The following SLC13A1 variants were observed in gnomAD, a reference collection of about 807,000 sequenced individuals.
The protein encoded by SLC13A1 is Na(+)/sulfate cotransporter.
SLC13A1 carries 65 observed loss-of-function variants against 70.0 expected under a neutral mutation model. The ratio of observed to expected loss-of-function variants is 0.93; its 90% confidence interval spans 0.76 to 1.14. The LOEUF is 1.14. Ranked by LOEUF, SLC13A1 falls within the 50% of genes most tolerant of loss-of-function variation. The pLI is 0.00. For missense variants in SLC13A1, 726 were observed against 717.8 expected (o/e 1.01, Z -0.13); for synonymous variants, 275 against 250.5 (o/e 1.10, Z -0.92).
rs1172328053 is a variant in SLC13A1, at chr7:123,134,430, C to G, written c.912G>C (p.Gln304His). The G allele has an allele frequency of 3.1e-6, 5 of 1,613,224 alleles. No individual in the cohort carries two copies. The highest frequency in any genetic ancestry group is 4.2e-6 in the Non-Finnish European group (5 of 1,179,498). ...CTTACTTGAATCCTAGGAAAAGCCACTGAAGCCAGATCCAGGATAAGAGTA... is the reference window on the plus strand; with the variant it reads ...CTTACTTGAATCCTAGGAAAAGCCAGTGAAGCCAGATCCAGGATAAGAGTA... Reference protein sequence around the residue: ...IILLLSWIWLQWLFLGFNFKE... With the variant: ...IILLLSWIWLHWLFLGFNFKE... The change falls in exon 8 of 15, where the codon CAG (glutamine) becomes CAC (histidine). Residue 304 changes from glutamine to histidine, a missense_variant. By Grantham distance (24) the Gln-to-His change is conservative. Coordinates refer to ENST00000194130, the MANE Select transcript of SLC13A1 (RefSeq NM_022444.4).
At chr7:123,194,300 T>C (rs1264738982) in intron 1 of SLC13A1, among the ~76,000 whole-genome samples, 2 of 151,910 alleles carry the variant, frequency 1.3e-5, no homozygotes, top group Non-Finnish European at 2.9e-5. Flanking sequence ...ATATAGCGTG[T>C]GAGAAGGCAG....
intron 7 of SLC13A1, among the ~76,000 whole-genome samples, chr7:123,143,091 A>G (rs1794215838): frequency 6.6e-6 from 1 of 152,052 alleles, no homozygotes; most frequent in Non-Finnish European, 1.5e-5. Context: ...TCCAAGATGC[A>G]AGACAAAGTC....
At chr7:123,154,001 A>T (rs1794639707) in intron 6 of SLC13A1, among the ~76,000 whole-genome samples, 1 of 152,054 alleles carries the variant, frequency 6.6e-6, no homozygotes, top group Admixed American at 6.6e-5. Context: ...AGTTTTTTTA[A>T]CATATAAAGG....
intron 3 of SLC13A1, 108 bp downstream of exon 3, chr7:123,171,660 C>G: frequency 8.9e-7 from 1 of 1,120,052 alleles, no homozygotes. Flanking sequence ...ATAAGTCAGA[C>G]TGTGATACAA....
At chr7:123,180,394 T>C (rs1411886058) in intron 2 of SLC13A1, among the ~76,000 whole-genome samples, 1 of 152,150 alleles carries the variant, frequency 6.6e-6, no homozygotes, top group Admixed American at 6.6e-5. Context: ...AGTTGTTCAC[T>C]GGGTGGCTGG....
chr7:123,137,171 G>A (rs78773455), intron 7 of SLC13A1, among the ~76,000 whole-genome samples: 1,712 of 151,332 alleles, frequency 0.011, 38 homozygotes, highest in African/African-American at 0.039. Context: ...TGCATTCTCA[G>A]GATTGAAGGC....
chr7:123,129,445 T>C lies in SLC13A1; in HGVS notation c.969A>G (p.Thr323=). Residue 323 remains threonine, a synonymous_variant, in exon 9 of 15, where the codon ACA becomes ACG. Coordinates refer to ENST00000194130, the MANE Select transcript of SLC13A1 (RefSeq NM_022444.4). ...CCTCAGCACAAGCTTTTTGTTGGAC[T>C]GTTTTGGTTTTGCCACATTTGAACA... ...KEMFKCGKTK[T]VQQKACAEVI... The C allele has an allele frequency of 2.5e-6, 4 of 1,612,410 alleles. No individual in the cohort carries two copies. The East Asian group carries it at 6.7e-5, about 27-fold the overall frequency.
intron 1 of SLC13A1, among the ~76,000 whole-genome samples, chr7:123,187,191 T>G (rs2116646157): frequency 6.6e-6 from 1 of 152,242 alleles, no homozygotes; most frequent in African/African-American, 2.4e-5. Context: ...TCTGTATGTA[T>G]ACACTGCACC....
Position 123,129,427 on chromosome 7 carries a change from A to C in SLC13A1, c.987T>G (p.Cys329Trp), listed in dbSNP as rs1793680641. 1 of 1,610,478 alleles carries C rather than the reference A, an allele frequency of 6.2e-7. No individual in the cohort carries two copies. Among genetic ancestry groups the C allele is most frequent in the South Asian group, 1.1e-5 (1 of 90,570 alleles). ...GKTKTVQQKA[C>W]AEVIKQEYQK... Reference sequence around the variant, plus strand: ...GGTATTCTTGCTTAATCACCTCAGCACAAGCTTTTTGTTGGACTGTTTTGG... The same window carrying C: ...GGTATTCTTGCTTAATCACCTCAGCCCAAGCTTTTTGTTGGACTGTTTTGG... Residue 329 changes from cysteine (C) to tryptophan (W), a missense_variant, in exon 9 of 15, where the codon TGT becomes TGG. Transcript: ENST00000194130.
rs1375048449 is a variant in SLC13A1 at position 123,171,650 on chromosome 7, A to G, written c.365+118T>C. 7.6e-6 allele frequency: 8 copies of G among 1,048,462 alleles called. No homozygotes were observed. In the Admixed American group the frequency reaches 8.8e-5, roughly 12 times the overall value. The allele number at this position is 1,048,462 out of a possible 1,614,324, so 64.9% of individuals were successfully genotyped here. ...TCATATTTGCAGAGGAAAAAACGTC[A>G]TAAGTCAGACTGTGATACAAAGAAT... On this transcript the variant is annotated intron_variant, in intron 3 of 14. Transcript: ENST00000194130.
chr7:123,114,833 T>C lies in SLC13A1; in HGVS notation c.*685A>G, dbSNP rs966387651. The C allele has an allele frequency of 1.2e-4, 18 of 152,316 alleles. No individual in the cohort carries two copies. The highest frequency in any genetic ancestry group is 4.3e-4 in the African/African-American group (18 of 41,590). 9.4% of individuals were successfully genotyped at this position (152,316 alleles called of 1,614,324 possible). ...AATATCATAAAAATATGAATTATAT[T>C]ACACTAACTATAGAGTTCAGTAGAA... On this transcript the variant is annotated 3_prime_UTR_variant, in exon 15 of 15. Transcript: ENST00000194130.
At chr7:123,132,318 C>A (rs1793791377) in intron 8 of SLC13A1, among the ~76,000 whole-genome samples, 1 of 151,868 alleles carries the variant, frequency 6.6e-6, no homozygotes, top group Non-Finnish European at 1.5e-5. Flanking sequence ...TATTACTAGG[C>A]ATGGAACCCA....
At chr7:123,128,004 T>C (rs574141925) in intron 10 of SLC13A1, among the ~76,000 whole-genome samples, 20 of 151,968 alleles carry the variant, frequency 1.3e-4, no homozygotes, top group African/African-American at 4.8e-4. Flanking sequence ...GGTCCTTAAT[T>C]TAGAAAATTA....
intron 1 of SLC13A1, among the ~76,000 whole-genome samples, chr7:123,193,393 A>G (rs1264958270): frequency 6.6e-6 from 1 of 152,170 alleles, no homozygotes; most frequent in Non-Finnish European, 1.5e-5. Flanking sequence ...TCAGGACAGG[A>G]TAAGCTATGC....
intron 7 of SLC13A1, among the ~76,000 whole-genome samples, chr7:123,143,613 G>A (rs1224108551): frequency 2.2e-4 from 33 of 152,180 alleles, no homozygotes; most frequent in Admixed American, 2.2e-3. Flanking sequence ...GGGAGGGGCA[G>A]CATCTGTGAT....
chr7:123,161,573 G>A (rs1411798333), intron 6 of SLC13A1, among the ~76,000 whole-genome samples: 1 of 152,160 alleles, frequency 6.6e-6, no homozygotes, highest in African/African-American at 2.4e-5. Context: ...AATGGACAGA[G>A]GGAGATGGGG....
intron 2 of SLC13A1, among the ~76,000 whole-genome samples, chr7:123,176,084 G>A (rs900872869): frequency 7.2e-5 from 11 of 152,186 alleles, no homozygotes; most frequent in African/African-American, 2.7e-4. Flanking sequence ...TAAAAATTAG[G>A]CAGCAGGCTG....
chr7:123,183,850 G>A (rs1795713619), intron 1 of SLC13A1, among the ~76,000 whole-genome samples: 1 of 152,192 alleles, frequency 6.6e-6, no homozygotes, highest in South Asian at 2.1e-4. Context: ...CTGAATCCCT[G>A]GATTCATAAC....
In SLC13A1 at chr7:123,180,965, G is replaced by A; in HGVS notation, c.228+8C>T. On this transcript the variant is annotated splice_region_variant and intron_variant, in intron 2 of 14. Coordinates refer to ENST00000194130, the MANE Select transcript of SLC13A1 (RefSeq NM_022444.4). ...AAATCAACTTATGACATTGGCAAGA[G>A]GACTTACCTTCTTAGAAGGCATGAT... The A allele has an allele frequency of 1.2e-6, 2 of 1,607,508 alleles. No homozygotes were observed. Among genetic ancestry groups the A allele is most frequent in the Non-Finnish European group, 1.7e-6 (2 of 1,176,602 alleles).
Sources: gnomAD v4.1 joint callset for allele counts (sites outside exome capture counted in the v4.1 genomes callset) on GRCh38, gnomAD v4.1.1 for gene constraint, MANE v1.5 for transcripts, NCBI Gene and HGNC (gene_info 2026-07-23, HGNC 2026-07-21) for gene names.